LIPC: variants seen among roughly 807,000 people sequenced by gnomAD.
LIPC encodes lipase C, hepatic type, also known as hepatic triacylglycerol lipase.
In LIPC, 44 loss-of-function variants were observed where a neutral mutation model predicts 50.7. That is an observed-to-expected ratio of 0.87 (90% CI 0.68 to 1.11). LIPC has a LOEUF of 1.11. LIPC is among the 50% of genes most tolerant of loss of function. LIPC has a pLI of 0.00. For missense variants in LIPC, 697 were observed against 648.2 expected (o/e 1.08, Z -0.82); for synonymous variants, 271 against 256.4 (o/e 1.06, Z -0.54).
At chr15:58,536,839 C>G (rs1475158861) in intron 1 of LIPC, among the ~76,000 whole-genome samples, 1 of 152,154 alleles carries the variant, frequency 6.6e-6, no homozygotes, top group Non-Finnish European at 1.5e-5. Context: ...GAATTAATAA[C>G]CTTTTGAGTT....
chr15:58,524,719 G>T (rs1412498119), intron 1 of LIPC, among the ~76,000 whole-genome samples: 1 of 152,180 alleles, frequency 6.6e-6, no homozygotes, highest in Admixed American at 6.5e-5. Context: ...CTGTGAAACG[G>T]CTCCTCATGT....
At chr15:58,554,550 C>T (rs1405485364) in intron 6 of LIPC, among the ~76,000 whole-genome samples, 1 of 55,906 alleles carries the variant, frequency 1.8e-5, no homozygotes, top group Non-Finnish European at 3.3e-5. Context: ...CTTTTCTTTT[C>T]TTCCTTTTTT....
intron 6 of LIPC, among the ~76,000 whole-genome samples, chr15:58,557,575 C>A (rs184730758): frequency 2.0e-5 from 3 of 151,732 alleles, no homozygotes; most frequent in African/African-American, 7.3e-5. Flanking sequence ...TAGTAGAGAA[C>A]GGGGTTTCAC....
chr15:58,560,809 T>C, intron 6 of LIPC, 55 bp from the exon 7 acceptor site: 2 of 780,844 alleles, frequency 2.6e-6, no homozygotes, highest in Non-Finnish European at 4.5e-6. Flanking sequence ...GATTTTTAAA[T>C]TTAAAATCAC....
chr15:58,543,993 G>A (rs1396015415), intron 4 of LIPC, among the ~76,000 whole-genome samples: 1 of 152,178 alleles, frequency 6.6e-6, no homozygotes, highest in Non-Finnish European at 1.5e-5. Flanking sequence ...TTTAACTTGA[G>A]AAAGAATGGG....
At chr15:58,507,391 T>C (rs573814662) in intron 1 of LIPC, among the ~76,000 whole-genome samples, 1 of 152,274 alleles carries the variant, frequency 6.6e-6, no homozygotes, top group South Asian at 2.1e-4. Context: ...ACTGACTTGA[T>C]TTAGCTCATT....
intron 1 of LIPC, among the ~76,000 whole-genome samples, chr15:58,481,297 T>C (rs924994444): frequency 4.6e-5 from 7 of 152,158 alleles, no homozygotes; most frequent in African/African-American, 1.7e-4. Context: ...TTTTAAAAGA[T>C]TAAAAAAACC....
At chr15:58,534,594 G>T (rs1019591424) in intron 1 of LIPC, among the ~76,000 whole-genome samples, 1 of 152,106 alleles carries the variant, frequency 6.6e-6, no homozygotes, top group Non-Finnish European at 1.5e-5. Context: ...CATAAAACTT[G>T]CTGCTATATA....
At chr15:58,437,309 T>C (rs1893334479) in intron 1 of LIPC, among the ~76,000 whole-genome samples, 2 of 151,942 alleles carry the variant, frequency 1.3e-5, no homozygotes, top group Admixed American at 1.3e-4. Flanking sequence ...ACCTGTGACC[T>C]CTGAAAAAGC....
chr15:58,439,368 A>G (rs261341), intron 1 of LIPC, among the ~76,000 whole-genome samples: 82,028 of 152,088 alleles, frequency 0.54, 25,253 homozygotes, highest in Non-Finnish European at 0.7. Flanking sequence ...ACGAAATGAT[A>G]AAATAAAGGA....
intron 1 of LIPC, among the ~76,000 whole-genome samples, chr15:58,505,148 G>A (rs1474622240): frequency 1.1e-4 from 16 of 152,208 alleles, no homozygotes; most frequent in East Asian, 3.9e-4. Flanking sequence ...AACAGTCCAC[G>A]AATAGGCCAG....
intron 1 of LIPC, among the ~76,000 whole-genome samples, chr15:58,494,174 G>C (rs1891688075): frequency 1.3e-5 from 2 of 152,352 alleles, no homozygotes; most frequent in South Asian, 2.1e-4. Flanking sequence ...GCAAGAGAGA[G>C]AATCCCCAGA....
chr15:58,493,029 A>T (rs1307499629), intron 1 of LIPC, among the ~76,000 whole-genome samples: 1 of 152,124 alleles, frequency 6.6e-6, no homozygotes, highest in South Asian at 2.1e-4. Context: ...CCATTCTCCC[A>T]GTGATCCAGA....
At chr15:58,537,475 T>C (rs1251310887) in intron 1 of LIPC, among the ~76,000 whole-genome samples, 2 of 152,036 alleles carry the variant, frequency 1.3e-5, no homozygotes, top group African/African-American at 4.8e-5. Context: ...CTCTACTCTT[T>C]TCTGTTGCAA....
intron 1 of LIPC, among the ~76,000 whole-genome samples, chr15:58,476,593 C>G (rs1891007500): frequency 6.6e-6 from 1 of 152,218 alleles, no homozygotes; most frequent in African/African-American, 2.4e-5. Context: ...GTCAGCCCAC[C>G]AGCAGTGTGG....
intron 1 of LIPC, among the ~76,000 whole-genome samples, chr15:58,502,085 G>C (rs1170325145): frequency 6.6e-6 from 1 of 152,170 alleles, no homozygotes; most frequent in Non-Finnish European, 1.5e-5. Flanking sequence ...TTAGTGACCA[G>C]AGGGCAATGC....
At chr15:58,522,062 GAC>G (rs1892674690) in intron 1 of LIPC, 1 of 152,320 alleles carries the variant, frequency 6.6e-6, no homozygotes, top group Admixed American at 6.5e-5. Flanking sequence ...ATCCATCCCT[GAC>G]ACCCCAGCCC....
At chr15:58,494,348 T>C (rs1207229814) in intron 1 of LIPC, among the ~76,000 whole-genome samples, 4 of 152,120 alleles carry the variant, frequency 2.6e-5, no homozygotes, top group African/African-American at 4.8e-5. Context: ...CCTTGGGCCA[T>C]TTGAAGGGTG....
chr15:58,440,791 G>A (rs930455427), intron 1 of LIPC, among the ~76,000 whole-genome samples: 52 of 152,348 alleles, frequency 3.4e-4, no homozygotes, highest in African/African-American at 1.3e-3. Flanking sequence ...TTTCCTTCAA[G>A]AAGTGGAAGG....
Sources: allele counts gnomAD v4.1 joint callset (sites outside exome capture counted in the v4.1 genomes callset), GRCh38; gene constraint gnomAD v4.1.1; transcripts MANE v1.5; gene names NCBI Gene and HGNC (gene_info 2026-07-23, HGNC 2026-07-21).